SENP1: variants seen among roughly 807,000 people sequenced by gnomAD.
SENP1 encodes the protein SUMO specific peptidase 1, also known as sentrin-specific protease 1.
A neutral mutation model predicts 93.0 loss-of-function variants in SENP1; 21 were observed. The observed-to-expected ratio is 0.23, with a 90% CI of 0.16 to 0.33. The LOEUF is 0.33. Among genes scored for constraint, SENP1 ranks in the 10% least tolerant of loss-of-function variants. The pLI is 1.00. For missense variants in SENP1, 591 were observed against 758.7 expected, an observed-to-expected ratio of 0.78 and a Z score of 2.60; for synonymous variants, 256 against 259.6, an observed-to-expected ratio of 0.99 and a Z score of 0.13.
intron 5 of SENP1, among the ~76,000 whole-genome samples, chr12:48,084,137 C>T (rs1159895347): frequency 6.6e-6 from 1 of 152,208 alleles, no homozygotes; most frequent in East Asian, 1.9e-4. Flanking sequence ...CTATTATTCC[C>T]TGTACCCCTT....
At chr12:48,084,994 G>A (rs187209442) in intron 5 of SENP1, 9 of 734,794 alleles carry the variant, frequency 1.2e-5, no homozygotes, top group African/African-American at 8.9e-5. Context: ...GGGTTTGTAC[G>A]TGTGTTAAGA....
At chr12:48,069,911 A>G (rs909974117) in intron 9 of SENP1, among the ~76,000 whole-genome samples, 1 of 152,222 alleles carries the variant, frequency 6.6e-6, no homozygotes, top group Non-Finnish European at 1.5e-5. Context: ...TGAGATGAGA[A>G]AGAATATTTC....
At chr12:48,045,564 G>A (rs1941303776) in intron 17 of SENP1, among the ~76,000 whole-genome samples, 180 bp from the exon 18 acceptor site, 2 of 151,646 alleles carry the variant, frequency 1.3e-5, no homozygotes, top group Admixed American at 1.3e-4. Context: ...TTTTTCTATT[G>A]TTATTTTTCA....
intron 1 of SENP1, chr12:48,105,760 A>G (rs1006862619): frequency 1.8e-6 from 1 of 554,270 alleles, no homozygotes; most frequent in Non-Finnish European, 3.2e-6. Context: ...AACGGCAGGG[A>G]GACGGTCTCT....
chr12:48,097,715 A>G, intron 3 of SENP1: 1 of 218,886 alleles, frequency 4.6e-6, no homozygotes, highest in East Asian at 1.0e-4. Flanking sequence ...GCTAGTTTAA[A>G]AGAACACTGA....
chr12:48,078,334 T>TATATATATATATATATAC lies in SENP1; in HGVS notation c.553-3542_553-3541insGTATATATATATATATAT. ...GTAGGATTTTATATATATATATATA[T>TATATATATATATATATAC]ACACACACATATATATATACACACA... On this transcript the variant is annotated intron_variant, in intron 6 of 17. Coordinates refer to ENST00000549518, the MANE Select transcript of SENP1 (RefSeq NM_001267594.2). Among the ~76,000 whole-genome samples, 118 of 67,900 alleles carry TATATATATATATATATAC rather than the reference T, an allele frequency of 1.7e-3. 4 individuals carry two copies. The highest frequency in any genetic ancestry group is 7.8e-3 in the Middle Eastern group (1 of 128). The allele number at this position is 67,900 out of a possible 152,430, so 44.5% of individuals were successfully genotyped here.
At chr12:48,103,206 T>C (rs941932117) in intron 1 of SENP1, among the ~76,000 whole-genome samples, 4 of 152,204 alleles carry the variant, frequency 2.6e-5, no homozygotes, top group Non-Finnish European at 5.9e-5. Flanking sequence ...TTTCCTTGCA[T>C]TTTGTTGGGA....
At chr12:48,062,303 T>C (rs763821176) in intron 13 of SENP1, among the ~76,000 whole-genome samples, 42 of 152,234 alleles carry the variant, frequency 2.8e-4, no homozygotes, top group Admixed American at 3.9e-4. Flanking sequence ...TGGATACTTA[T>C]AACTATCCTT....
At chr12:48,084,475 A>G (rs147903637) in intron 5 of SENP1, among the ~76,000 whole-genome samples, 7 of 131,528 alleles carry the variant, frequency 5.3e-5, no homozygotes, top group Middle Eastern at 4.1e-3. Context: ...TTTGAGATGG[A>G]ATCTTGCTCT....
At chr12:48,050,131 C>T (rs1332626908) in intron 13 of SENP1, among the ~76,000 whole-genome samples, 4 of 152,168 alleles carry the variant, frequency 2.6e-5, no homozygotes, top group African/African-American at 4.8e-5. Context: ...TGAGGTCAGG[C>T]CAGTGTCTGT....
At chr12:48,088,459 A>G in intron 5 of SENP1, 1 of 268,234 alleles carries the variant, frequency 3.7e-6, no homozygotes, top group Non-Finnish European at 7.1e-6. Context: ...CTCACTTGAT[A>G]GCTGTAAAAT....
chr12:48,091,327 G>T (rs779438825), intron 4 of SENP1, among the ~76,000 whole-genome samples: 1 of 151,986 alleles, frequency 6.6e-6, no homozygotes, highest in Non-Finnish European at 1.5e-5. Context: ...GCACACGTCT[G>T]TCGTCCCAGT....
chr12:48,048,885 G>A (rs1443030105), intron 14 of SENP1, 44 bp downstream of exon 14: 45 of 1,455,780 alleles, frequency 3.1e-5, no homozygotes, highest in Non-Finnish European at 3.9e-5. Flanking sequence ...TGTTCTATAA[G>A]TACATAGCTT....
intron 13 of SENP1, 182 bp downstream of exon 13, chr12:48,063,528 G>T: frequency 1.9e-6 from 1 of 521,766 alleles, no homozygotes; most frequent in Non-Finnish European, 3.3e-6. Flanking sequence ...CACCTGAGAT[G>T]TTTGTTAAAA....
intron 15 of SENP1, among the ~76,000 whole-genome samples, chr12:48,047,704 G>A (rs150792177): frequency 4.0e-4 from 61 of 152,182 alleles, no homozygotes; most frequent in Non-Finnish European, 2.8e-4. Flanking sequence ...CACCTCTGTG[G>A]GCCTTGGTCT....
Position 48,085,427 on chromosome 12 carries a change from T to C in SENP1, c.381-1665A>G. 3.9e-6 allele frequency: 4 copies of C among 1,023,340 alleles called. No homozygotes were observed. The South Asian group carries it at 6.4e-5, about 16-fold the overall frequency. 63.4% of individuals were successfully genotyped at this position (1,023,340 alleles called of 1,614,324 possible). ...CTGCCGAAGACCTGTGCTAGGGTCT[T>C]TGTGTGAGGACTCCTCACAGCCCTC... On this transcript the variant is annotated intron_variant, in intron 5 of 17. Transcript: ENST00000549518.
chr12:48,102,752 C>T (rs546986645), intron 1 of SENP1, among the ~76,000 whole-genome samples: 6 of 145,206 alleles, frequency 4.1e-5, no homozygotes, highest in South Asian at 4.3e-4. Flanking sequence ...TCTTGGCGTA[C>T]GAGACCACGC....
chr12:48,060,928 TTATTA>T (rs1289816065), intron 13 of SENP1, among the ~76,000 whole-genome samples: 1 of 152,210 alleles, frequency 6.6e-6, no homozygotes, highest in Admixed American at 6.5e-5. Flanking sequence ...TTGAGACGTT[TTATTA>T]TATTAATCCT....
chr12:48,050,235 G>GA (rs1316526426), intron 13 of SENP1, among the ~76,000 whole-genome samples: 6 of 152,312 alleles, frequency 3.9e-5, no homozygotes, highest in African/African-American at 1.4e-4. Context: ...TGGGGAATGG[G>GA]AAAATGCCCC....
Sources: gnomAD v4.1 joint callset for allele counts (sites outside exome capture counted in the v4.1 genomes callset) on GRCh38, gnomAD v4.1.1 for gene constraint, MANE v1.5 for transcripts, NCBI Gene and HGNC (gene_info 2026-07-23, HGNC 2026-07-21) for gene names.